CARD8: variants seen among roughly 807,000 people sequenced by gnomAD.
CARD8 encodes the protein caspase recruitment domain-containing protein 8.
CARD8 carries 38 observed loss-of-function variants against 53.2 expected under a neutral mutation model. The observed-to-expected ratio is 0.71, with a 90% CI of 0.55 to 0.94. The LOEUF (loss-of-function observed/expected upper bound fraction) is 0.94. Among genes scored for constraint, CARD8 ranks in the 40% least tolerant of loss-of-function variants. CARD8 has a pLI of 0.00. For synonymous variants in CARD8, 245 were observed against 244.9 expected (o/e 1.00, Z 0.00); for missense variants, 561 against 655.5 (o/e 0.86, Z 1.57).
In CARD8 at chr19:48,238,353, A is replaced by T. The variant is rs1046608820; in HGVS notation, c.209+30T>A. On this transcript the variant is annotated intron_variant, in intron 5 of 13. Transcript: ENST00000651546. ...AATGGAGCAAAATTCCAAATCTTTA[A>T]TTTTTTCCCAACAAATAGATGTCCC... The T allele has an allele frequency of 1.3e-5, 20 of 1,529,502 alleles. 1 individual carries two copies. The Middle Eastern group carries it at 5.0e-4, about 39-fold the overall frequency. 94.7% of individuals were successfully genotyped at this position (1,529,502 alleles called of 1,614,324 possible). A position where few individuals can be genotyped will look rare whatever the true frequency, so the allele number is the denominator to read the frequency against.
intron 3 of CARD8, among the ~76,000 whole-genome samples, chr19:48,243,873 C>T (rs1366873862): frequency 6.6e-6 from 1 of 152,142 alleles, no homozygotes; most frequent in Non-Finnish European, 1.5e-5. Flanking sequence ...GGAATTTTTT[C>T]CTTATAAGAA....
chr19:48,251,794 G>C (rs564891761), intron 1 of CARD8, among the ~76,000 whole-genome samples: 1 of 152,194 alleles, frequency 6.6e-6, no homozygotes, highest in East Asian at 1.9e-4. Context: ...TGTCCTGTTT[G>C]TGTTCCTCAT....
intron 1 of CARD8, among the ~76,000 whole-genome samples, chr19:48,250,175 A>C (rs7248574): frequency 0.19 from 28,947 of 152,138 alleles, 2,863 homozygotes; most frequent in East Asian, 0.32. Context: ...TTATTTGGGA[A>C]TAGAGCATTG....
intron 1 of CARD8, among the ~76,000 whole-genome samples, chr19:48,252,952 T>C (rs991537959): frequency 1.3e-5 from 2 of 152,184 alleles, no homozygotes; most frequent in African/African-American, 4.8e-5. Context: ...GCTTGGATTA[T>C]ATTTCTGTTA....
intron 10 of CARD8, among the ~76,000 whole-genome samples, chr19:48,227,861 C>T (rs1014385162): frequency 2.0e-5 from 3 of 151,652 alleles, no homozygotes; most frequent in Non-Finnish European, 2.9e-5. Context: ...AATATGGTGT[C>T]GCAGGATCAT....
chr19:48,248,977 C>T (rs1275969851), intron 3 of CARD8, among the ~76,000 whole-genome samples: 1 of 152,172 alleles, frequency 6.6e-6, no homozygotes, highest in African/African-American at 2.4e-5. Flanking sequence ...GCGGGCGGAT[C>T]ACCTGAGATC....
intron 1 of CARD8, among the ~76,000 whole-genome samples, chr19:48,253,113 G>C (rs1211236716): frequency 6.6e-6 from 1 of 152,154 alleles, no homozygotes; most frequent in Non-Finnish European, 1.5e-5. Flanking sequence ...CAGAATGTTT[G>C]TGGTACAGGA....
Position 48,231,011 on chromosome 19 carries a change from A to G in CARD8, c.543-5T>C, listed in dbSNP as rs1368402628. Reference sequence around the variant, plus strand: ...CCAGCAGTGGGGAACCAAACGCTGAAAGGAGCCAGAGTGATGTCATGACGG... The same window carrying G: ...CCAGCAGTGGGGAACCAAACGCTGAGAGGAGCCAGAGTGATGTCATGACGG... On this transcript the variant is annotated splice_region_variant and splice_polypyrimidine_tract_variant and intron_variant, in intron 8 of 13. Transcript: ENST00000651546. The G allele has an allele frequency of 1.9e-6, 3 of 1,610,600 alleles. No homozygotes were observed. Among genetic ancestry groups the G allele is most frequent in the Non-Finnish European group, 2.5e-6 (3 of 1,176,890 alleles).
At chr19:48,247,381 A>G (rs543898786) in intron 3 of CARD8, among the ~76,000 whole-genome samples, 1 of 152,336 alleles carries the variant, frequency 6.6e-6, no homozygotes, top group East Asian at 1.9e-4. Flanking sequence ...ATGTTTTTCA[A>G]TAGGGGAATG....
At chr19:48,229,475 C>T (rs2042430101) in intron 10 of CARD8, among the ~76,000 whole-genome samples, 1 of 152,212 alleles carries the variant, frequency 6.6e-6, no homozygotes, top group African/African-American at 2.4e-5. Context: ...ATGTTTTCTC[C>T]TGTATTTAAG....
chr19:48,219,328 A>G (rs1334734178), intron 11 of CARD8, among the ~76,000 whole-genome samples: 1 of 152,186 alleles, frequency 6.6e-6, no homozygotes, highest in Non-Finnish European at 1.5e-5. Flanking sequence ...CCAGCTCAGA[A>G]TCCGAGATTC....
intron 1 of CARD8, among the ~76,000 whole-genome samples, chr19:48,251,443 G>C (rs145843867): frequency 2.0e-4 from 31 of 152,200 alleles, no homozygotes; most frequent in Admixed American, 3.9e-4. Flanking sequence ...CTTGAGGTTT[G>C]TTCCCTCTTT....
chr19:48,255,050 A>G (rs1300681924), intron 1 of CARD8, among the ~76,000 whole-genome samples: 2 of 152,136 alleles, frequency 1.3e-5, no homozygotes, highest in Non-Finnish European at 2.9e-5. Context: ...TCTATTCCCA[A>G]TTGCAATGCT....
At chr19:48,215,082 G>A (rs956209837) in intron 13 of CARD8, 8 of 339,440 alleles carry the variant, frequency 2.4e-5, no homozygotes, top group Admixed American at 1.2e-4. Context: ...GAGCCACTGC[G>A]CCTGGCCTCT....
downstream of CARD8, chr19:48,203,715 T>TA (rs11416928): frequency 0.071 from 11,243 of 157,366 alleles, 1,311 homozygotes; most frequent in African/African-American, 0.25. Context: ...AGCTTTGAGT[T>TA]AAAAAAAAAG....
intron 3 of CARD8, among the ~76,000 whole-genome samples, chr19:48,242,843 C>T (rs1045491202): frequency 7.2e-5 from 11 of 152,242 alleles, no homozygotes; most frequent in African/African-American, 2.6e-4. Context: ...TACCAAAGCG[C>T]CAATCTCCAT....
At chr19:48,233,209 T>A (rs1305667769) in intron 6 of CARD8, 1 of 395,960 alleles carries the variant, frequency 2.5e-6, no homozygotes, top group Non-Finnish European at 5.0e-6. Flanking sequence ...TTCTATGACA[T>A]ACAGCGTGAG....
intron 10 of CARD8, among the ~76,000 whole-genome samples, chr19:48,229,886 G>A (rs2042513099): frequency 6.6e-6 from 1 of 152,186 alleles, no homozygotes; most frequent in Non-Finnish European, 1.5e-5. Context: ...GCCAAGGCAG[G>A]TGGATCACCT....
rs553128902 is a variant in CARD8, at chr19:48,237,921, C to T, written c.209+462G>A. Among the ~76,000 whole-genome samples, 4 of 152,138 alleles carry T rather than the reference C, an allele frequency of 2.6e-5. No individual in the cohort carries two copies. In the South Asian group the frequency reaches 8.3e-4, roughly 32 times the overall value. On this transcript the variant is annotated intron_variant, in intron 5 of 13. Transcript: ENST00000651546. ...TATTATTTTTTTTGAGACAAAGCCT[C>T]ACTCTGTCTCCCAGGCTGGAGTGCA...
Sources: gnomAD v4.1 joint callset for allele counts (sites outside exome capture counted in the v4.1 genomes callset) on GRCh38, gnomAD v4.1.1 for gene constraint, MANE v1.5 for transcripts, NCBI Gene and HGNC (gene_info 2026-07-23, HGNC 2026-07-21) for gene names.